Variants in LMBR1 observed in about 807,000 individuals in gnomAD.
LMBR1 encodes the protein limb region 1 protein homolog.
LMBR1 carries 52 observed loss-of-function variants against 73.9 expected under a neutral mutation model. The ratio of observed to expected loss-of-function variants is 0.70; its 90% confidence interval spans 0.56 to 0.89. LMBR1 has a LOEUF of 0.89. LMBR1 is among the 40% of genes least tolerant of loss of function. The probability of loss-of-function intolerance (pLI) is 0.00; values close to 1 mark genes in which losing one functional copy is unlikely to be tolerated. For missense variants in LMBR1, 539 were observed against 579.8 expected (o/e 0.93, Z 0.72); for synonymous variants, 215 against 209.4 (o/e 1.03, Z -0.23).
intron 9 of LMBR1, among the ~76,000 whole-genome samples, chr7:156,755,123 CTT>C (rs1821610574): frequency 6.6e-6 from 1 of 152,220 alleles, no homozygotes; most frequent in African/African-American, 2.4e-5. Context: ...CAATCCATCT[CTT>C]CTCTGTAACA....
At chr7:156,764,317 G>C (rs1823693181) in intron 5 of LMBR1, among the ~76,000 whole-genome samples, 1 of 152,130 alleles carries the variant, frequency 6.6e-6, no homozygotes. Context: ...TAGAGATACT[G>C]CTTTTATCAG....
intron 1 of LMBR1, among the ~76,000 whole-genome samples, chr7:156,854,915 C>T (rs1586250311): frequency 6.6e-6 from 1 of 152,232 alleles, no homozygotes; most frequent in South Asian, 2.1e-4. Flanking sequence ...CCTCTGAAAC[C>T]TGTAGCTACT....
intron 4 of LMBR1, among the ~76,000 whole-genome samples, chr7:156,817,410 TA>T (rs1834083448): frequency 6.6e-6 from 1 of 152,096 alleles, no homozygotes; most frequent in African/African-American, 2.4e-5. Context: ...GCATAAGGCT[TA>T]GAAAAGAGAT....
At chr7:156,675,070 G>A (rs58315995), downstream of LMBR1, among the ~76,000 whole-genome samples, 15,918 of 152,270 alleles carry the variant, frequency 0.1, 1,616 homozygotes, top group African/African-American at 0.27. Context: ...GTCCCATGTG[G>A]TATGGAAGCC....
intron 10 of LMBR1, among the ~76,000 whole-genome samples, chr7:156,728,971 C>T (rs951686755): frequency 7.2e-5 from 11 of 152,092 alleles, no homozygotes. Flanking sequence ...ACCCAAGTAG[C>T]TGGGACTACA....
intron 9 of LMBR1, among the ~76,000 whole-genome samples, chr7:156,749,371 G>T (rs753230736): frequency 6.6e-6 from 1 of 152,162 alleles, no homozygotes; most frequent in Non-Finnish European, 1.5e-5. Context: ...CTACTACTCT[G>T]AGATAGTCTA....
Position 156,777,875 on chromosome 7 carries a change from C to A in LMBR1, c.424-14080G>T, listed in dbSNP as rs1826436677. Among the ~76,000 whole-genome samples, 4 of 152,106 alleles carry A rather than the reference C, an allele frequency of 2.6e-5. No individual in the cohort carries two copies. The South Asian group carries it at 8.3e-4, about 32-fold the overall frequency. On this transcript the variant is annotated intron_variant, in intron 5 of 16. Transcript: ENST00000353442. The stretch of plus-strand genomic sequence containing the variant: ...TTTATGCCAGATACTTTGGAAACAC[C>A]CTTGTCACCTACCTTTCCTGCTGAA...
intron 4 of LMBR1, among the ~76,000 whole-genome samples, chr7:156,672,294 C>T (rs572302751): frequency 2.0e-5 from 3 of 152,148 alleles, no homozygotes; most frequent in Non-Finnish European, 2.9e-5. Flanking sequence ...CAGGGTGTGA[C>T]GACGACAGGT....
chr7:156,839,842 T>C (rs1425253345), intron 1 of LMBR1, among the ~76,000 whole-genome samples: 2 of 152,082 alleles, frequency 1.3e-5, no homozygotes. Flanking sequence ...GACAAGAAAA[T>C]GTCAACAGCA....
chr7:156,878,650 A>C (rs1437327137), intron 1 of LMBR1, among the ~76,000 whole-genome samples: 2 of 152,194 alleles, frequency 1.3e-5, no homozygotes, highest in Non-Finnish European at 2.9e-5. Context: ...TACAAATTCA[A>C]CACAATTCCC....
intron 1 of LMBR1, among the ~76,000 whole-genome samples, chr7:156,885,962 C>T (rs1221071524): frequency 1.3e-5 from 2 of 151,780 alleles, no homozygotes; most frequent in African/African-American, 2.4e-5. Flanking sequence ...ATTGCTTGAA[C>T]CCAGGAGGTA....
intron 5 of LMBR1, among the ~76,000 whole-genome samples, chr7:156,778,109 T>C (rs1826480123): frequency 6.6e-6 from 1 of 152,240 alleles, no homozygotes; most frequent in African/African-American, 2.4e-5. Context: ...AAGCAGTCCA[T>C]TCAGAAACAT....
At chr7:156,890,247 AAAG>A (rs1259838049) in intron 1 of LMBR1, among the ~76,000 whole-genome samples, 2 of 152,226 alleles carry the variant, frequency 1.3e-5, no homozygotes, top group South Asian at 2.1e-4. Flanking sequence ...CATTTAGAGA[AAAG>A]AAGAAGAGAA....
At chr7:156,733,873 C>A in intron 10 of LMBR1, 1 of 199,510 alleles carries the variant, frequency 5.0e-6, no homozygotes, top group East Asian at 1.2e-4. Context: ...AAAAAAGACA[C>A]ATTAAAAGAT....
intron 15 of LMBR1, among the ~76,000 whole-genome samples, chr7:156,717,417 A>C (rs1229862161): frequency 6.6e-6 from 1 of 152,162 alleles, no homozygotes; most frequent in Non-Finnish European, 1.5e-5. Context: ...GGTGGTTTGG[A>C]GGTCTCGATT....
At chr7:156,799,759 T>C (rs1286033148) in intron 4 of LMBR1, among the ~76,000 whole-genome samples, 1 of 152,230 alleles carries the variant, frequency 6.6e-6, no homozygotes. Context: ...AGGCCTCTTA[T>C]GCCAGTTAGC....
At chr7:156,888,196 G>C (rs994534800) in intron 1 of LMBR1, among the ~76,000 whole-genome samples, 4 of 151,100 alleles carry the variant, frequency 2.6e-5, no homozygotes, top group Non-Finnish European at 4.4e-5. Context: ...GAATCACGAG[G>C]TCAGGAGATC....
chr7:156,707,004 GAAAA>G (rs747140832), intron 15 of LMBR1, among the ~76,000 whole-genome samples: 1 of 150,596 alleles, frequency 6.6e-6, no homozygotes, highest in Non-Finnish European at 1.5e-5. Flanking sequence ...AGTAACAAGG[GAAAA>G]AAAAGAGACA....
chr7:156,784,157 A>G (rs1827672596), intron 5 of LMBR1, among the ~76,000 whole-genome samples: 1 of 152,080 alleles, frequency 6.6e-6, no homozygotes, highest in Admixed American at 6.5e-5. Flanking sequence ...CCCCTAGATA[A>G]TATATTAAAA....
Sources: gnomAD v4.1 joint callset for allele counts (sites outside exome capture counted in the v4.1 genomes callset) on GRCh38, gnomAD v4.1.1 for gene constraint, MANE v1.5 for transcripts, NCBI Gene and HGNC (gene_info 2026-07-23, HGNC 2026-07-21) for gene names.